Variants in POU2F1 observed in about 807,000 individuals in gnomAD.
POU2F1 encodes the protein POU domain, class 2, transcription factor 1.
Under a neutral mutation model 84.9 loss-of-function variants are expected in POU2F1, and 16 were observed. That is an observed-to-expected ratio of 0.19 (90% CI 0.13 to 0.29). The LOEUF is 0.29. Among genes scored for constraint, POU2F1 ranks in the 10% least tolerant of loss-of-function variants. POU2F1 has a pLI of 1.00. For missense variants in POU2F1, 738 were observed against 942.6 expected (o/e 0.78, Z 2.84); for synonymous variants, 368 against 368.3 (o/e 1.00, Z 0.01).
At chr1:167,307,206 A>C (rs2102587857) in intron 1 of POU2F1, among the ~76,000 whole-genome samples, 1 of 152,296 alleles carries the variant, frequency 6.6e-6, no homozygotes, top group Middle Eastern at 3.4e-3. Flanking sequence ...CAACTGTGTA[A>C]AGTTATTCAA....
chr1:167,252,016 G>GTATA (rs35801025), intron 1 of POU2F1, among the ~76,000 whole-genome samples: 130 of 143,922 alleles, frequency 9.0e-4, no homozygotes, highest in East Asian at 7.4e-3. Context: ...GGCTAATTTT[G>GTATA]TATATATATA....
intron 9 of POU2F1, among the ~76,000 whole-genome samples, chr1:167,394,148 T>C (rs1475166981): frequency 1.3e-5 from 2 of 151,974 alleles, no homozygotes; most frequent in Non-Finnish European, 2.9e-5. Context: ...GCCTTCTGAG[T>C]AGCTGGGATT....
chr1:167,250,475 T>G (rs913395318), intron 1 of POU2F1, among the ~76,000 whole-genome samples: 11 of 152,242 alleles, frequency 7.2e-5, no homozygotes, highest in Admixed American at 6.5e-4. Flanking sequence ...TGTTAACATT[T>G]TTATTCTTGA....
chr1:167,260,084 T>A (rs1031228714), intron 1 of POU2F1, among the ~76,000 whole-genome samples: 8 of 152,164 alleles, frequency 5.3e-5, no homozygotes, highest in Non-Finnish European at 1.2e-4. Flanking sequence ...TTCACTGTGT[T>A]AGCCAGGATG....
At chr1:167,373,984 A>G in intron 5 of POU2F1, 124 bp from the exon 6 acceptor site, 2 of 823,276 alleles carry the variant, frequency 2.4e-6, no homozygotes, top group Non-Finnish European at 4.1e-6. Flanking sequence ...GCTGTCTGCT[A>G]AGCAAGTGAA....
At chr1:167,246,575 G>C (rs1650336660) in intron 1 of POU2F1, among the ~76,000 whole-genome samples, 1 of 152,114 alleles carries the variant, frequency 6.6e-6, no homozygotes, top group South Asian at 2.1e-4. Flanking sequence ...TTAACACTGA[G>C]AAACATTTAA....
chr1:167,277,872 C>G (rs1652848924), intron 1 of POU2F1, among the ~76,000 whole-genome samples: 1 of 152,160 alleles, frequency 6.6e-6, no homozygotes, highest in Non-Finnish European at 1.5e-5. Context: ...TAAGGCCTGT[C>G]TATTTGACAT....
At chr1:167,243,902 C>T (rs1293692489) in intron 1 of POU2F1, among the ~76,000 whole-genome samples, 1 of 152,204 alleles carries the variant, frequency 6.6e-6, no homozygotes, top group Non-Finnish European at 1.5e-5. Flanking sequence ...GATTTCAGCA[C>T]CTGTTACATA....
intron 1 of POU2F1, among the ~76,000 whole-genome samples, chr1:167,251,398 T>TAAAC (rs966662362): frequency 1.3e-5 from 2 of 150,870 alleles, no homozygotes; most frequent in African/African-American, 4.9e-5. Flanking sequence ...GACCTTGTCA[T>TAAAC]AAACAAACAA....
intron 1 of POU2F1, among the ~76,000 whole-genome samples, chr1:167,269,803 A>G (rs1472756315): frequency 6.6e-6 from 1 of 151,604 alleles, no homozygotes; most frequent in Non-Finnish European, 1.5e-5. Context: ...AATCCCAGCT[A>G]TTTGGGAGGC....
chr1:167,363,437 T>G (rs1380196130), intron 2 of POU2F1, among the ~76,000 whole-genome samples: 1 of 152,228 alleles, frequency 6.6e-6, no homozygotes, highest in Non-Finnish European at 1.5e-5. Context: ...TGTACTATCT[T>G]AAAATCTCCA....
chr1:167,408,078 A>C (rs182118321), intron 13 of POU2F1, among the ~76,000 whole-genome samples: 1 of 152,236 alleles, frequency 6.6e-6, no homozygotes, highest in Non-Finnish European at 1.5e-5. Context: ...AAATGTTAGT[A>C]GACATTTTAC....
At chr1:167,323,571 C>T (rs1656474641) in intron 1 of POU2F1, among the ~76,000 whole-genome samples, 2 of 152,206 alleles carry the variant, frequency 1.3e-5, no homozygotes, top group South Asian at 2.1e-4. Flanking sequence ...TTCCCTATAG[C>T]ATGCTGAAGA....
chr1:167,397,865 A>C, intron 10 of POU2F1, 129 bp from the exon 11 acceptor site: 1 of 952,222 alleles, frequency 1.1e-6, no homozygotes, highest in Non-Finnish European at 1.5e-6. Context: ...ATTGTAATGT[A>C]GGTTATGTGA....
At chr1:167,255,887 G>A (rs891851404) in intron 1 of POU2F1, among the ~76,000 whole-genome samples, 1 of 152,208 alleles carries the variant, frequency 6.6e-6, no homozygotes, top group Non-Finnish European at 1.5e-5. Context: ...GCAGATGGGA[G>A]GAGGAAATGG....
At chr1:167,274,930 A>T (rs1402192193) in intron 1 of POU2F1, among the ~76,000 whole-genome samples, 1 of 151,804 alleles carries the variant, frequency 6.6e-6, no homozygotes, top group Non-Finnish European at 1.5e-5. Context: ...TTTTAGAAAG[A>T]TACTCTTCTG....
chr1:167,394,691 G>A (rs1393125372), intron 9 of POU2F1, among the ~76,000 whole-genome samples: 1 of 152,136 alleles, frequency 6.6e-6, no homozygotes, highest in Non-Finnish European at 1.5e-5. Flanking sequence ...GTGGCTGGTG[G>A]CTATATGGGA....
intron 7 of POU2F1, among the ~76,000 whole-genome samples, chr1:167,382,736 C>T (rs887710072): frequency 1.3e-5 from 2 of 152,094 alleles, no homozygotes; most frequent in Admixed American, 6.5e-5. Flanking sequence ...ATATATATTT[C>T]ACTTGTCCCA....
chr1:167,403,808 C>T (rs909975636), intron 13 of POU2F1, among the ~76,000 whole-genome samples: 2 of 152,110 alleles, frequency 1.3e-5, no homozygotes, highest in Admixed American at 6.5e-5. Context: ...TCCTTTTTGT[C>T]TGGAGCACGT....
Sources: gnomAD v4.1 joint callset for allele counts (sites outside exome capture counted in the v4.1 genomes callset) on GRCh38, gnomAD v4.1.1 for gene constraint, MANE v1.5 for transcripts, NCBI Gene and HGNC (gene_info 2026-07-23, HGNC 2026-07-21) for gene names.